The following GALNT14 variants were observed in gnomAD, a reference collection of about 807,000 sequenced individuals.
GALNT14 encodes polypeptide N-acetylgalactosaminyltransferase 14.
Under a neutral mutation model 77.5 loss-of-function variants are expected in GALNT14, and 60 were observed. The ratio of observed to expected loss-of-function variants is 0.77; its 90% CI spans 0.63 to 0.96. The LOEUF is 0.96. Ranked by LOEUF, GALNT14 falls within the 40% of genes least tolerant of loss-of-function variation. The pLI is 0.00. For missense variants in GALNT14, 710 were observed against 731.0 expected, an observed-to-expected ratio of 0.97 and a Z score of 0.33; for synonymous variants, 280 against 281.7, an observed-to-expected ratio of 0.99 and a Z score of 0.06.
intron 3 of GALNT14, among the ~76,000 whole-genome samples, chr2:30,964,843 C>A (rs1305145915): frequency 6.6e-6 from 1 of 152,202 alleles, no homozygotes; most frequent in African/African-American, 2.4e-5. Flanking sequence ...TACTGCAGGA[C>A]TTACCTCCCA....
intron 3 of GALNT14, among the ~76,000 whole-genome samples, chr2:30,963,369 A>C (rs1468093500): frequency 6.6e-6 from 1 of 152,238 alleles, no homozygotes; most frequent in African/African-American, 2.4e-5. Flanking sequence ...TGAGGCTCCA[A>C]CTGGAGTGAG....
chr2:31,104,258 C>G (rs1465913837), intron 1 of GALNT14, among the ~76,000 whole-genome samples: 2 of 152,116 alleles, frequency 1.3e-5, no homozygotes, highest in African/African-American at 4.8e-5. Context: ...GTTGTAAGAA[C>G]AGTACAAATT....
chr2:30,946,792 C>T (rs2148293293), intron 6 of GALNT14, among the ~76,000 whole-genome samples: 1 of 152,228 alleles, frequency 6.6e-6, no homozygotes, highest in Non-Finnish European at 1.5e-5. Context: ...AATAGCATCT[C>T]CCAGAGTCCT....
chr2:30,945,759 G>T, intron 7 of GALNT14, 24 bp downstream of exon 7: 2 of 1,570,258 alleles, frequency 1.3e-6, no homozygotes, highest in South Asian at 2.2e-5. Flanking sequence ...TCCTTACTGG[G>T]GAGGAGGTGT....
chr2:30,949,866 G>A (rs1666921238), intron 6 of GALNT14, among the ~76,000 whole-genome samples: 2 of 152,162 alleles, frequency 1.3e-5, no homozygotes, highest in South Asian at 4.1e-4. Flanking sequence ...ACAGCCTAGG[G>A]GCCTCTAAGC....
chr2:31,076,630 T>TATATATA lies in GALNT14; in HGVS notation c.129+61327_129+61328insTATATAT, dbSNP rs1553373510. 5.7e-5 allele frequency among the ~76,000 whole-genome samples: 5 copies of TATATATA among 87,244 alleles called. No individual in the cohort carries two copies. The South Asian group carries it at 1.0e-3, about 18-fold the overall frequency. 57.2% of individuals were successfully genotyped at this position (87,244 alleles called of 152,430 possible). On this transcript the variant is annotated intron_variant, in intron 1 of 14. Transcript: ENST00000349752. ...GTGTATACATATATATATATATATA[T>TATATATA]TTTTTTTTTTTTTACATGTACATAT...
intron 1 of GALNT14, among the ~76,000 whole-genome samples, chr2:31,001,438 C>T (rs941451156): frequency 1.3e-5 from 2 of 152,010 alleles, no homozygotes; most frequent in Non-Finnish European, 2.9e-5. Flanking sequence ...GAAAATAAAC[C>T]GTGGCTCCCA....
chr2:31,125,136 GAC>G, intron 1 of GALNT14: 1 of 1,524,576 alleles, frequency 6.6e-7, no homozygotes, highest in Non-Finnish European at 8.9e-7. Flanking sequence ...CACTCCTGGG[GAC>G]ACACAGTCAA....
intron 1 of GALNT14, among the ~76,000 whole-genome samples, chr2:31,068,043 A>T (rs1675094364): frequency 1.3e-5 from 2 of 152,094 alleles, no homozygotes; most frequent in African/African-American, 4.8e-5. Context: ...CTGCCTCAAG[A>T]CAGACTCTTA....
chr2:31,116,564 A>G (rs1466443211), intron 1 of GALNT14, among the ~76,000 whole-genome samples: 2 of 152,176 alleles, frequency 1.3e-5, no homozygotes, highest in East Asian at 3.8e-4. Flanking sequence ...AATAGCACTA[A>G]AATATTATAA....
chr2:30,894,537 A>G, the GALNT14 span, among the ~76,000 whole-genome samples: 3 of 152,196 alleles, frequency 2.0e-5, no homozygotes, highest in African/African-American at 7.2e-5. Context: ...AGAGGCAGAG[A>G]TCATCACACT....
At chr2:30,936,710 AATCTT>A (rs1666079413) in intron 9 of GALNT14, among the ~76,000 whole-genome samples, 1 of 152,190 alleles carries the variant, frequency 6.6e-6, no homozygotes, top group African/African-American at 2.4e-5. Context: ...GGGTAGAGAT[AATCTT>A]ATTGGCCCAG....
intron 3 of GALNT14, among the ~76,000 whole-genome samples, chr2:30,961,441 C>T (rs1394136371): frequency 6.6e-6 from 1 of 152,176 alleles, no homozygotes; most frequent in East Asian, 1.9e-4. Flanking sequence ...GGGAGAGCTT[C>T]AGTAAGTACT....
At chr2:30,942,365 C>T (rs1666427645) in intron 8 of GALNT14, 61 bp from the exon 9 acceptor site, 2 of 1,304,434 alleles carry the variant, frequency 1.5e-6, no homozygotes, top group Non-Finnish European at 2.2e-6. Flanking sequence ...CTCTCAAATT[C>T]TTCGGCCCCT....
At chr2:31,100,880 C>G (rs1431293124) in intron 1 of GALNT14, among the ~76,000 whole-genome samples, 2 of 151,936 alleles carry the variant, frequency 1.3e-5, no homozygotes, top group Non-Finnish European at 2.9e-5. Context: ...CTTACATTAG[C>G]GTATGATTAG....
At chr2:31,066,471 G>C (rs973163881) in intron 1 of GALNT14, among the ~76,000 whole-genome samples, 1 of 152,088 alleles carries the variant, frequency 6.6e-6, no homozygotes, top group Non-Finnish European at 1.5e-5. Flanking sequence ...TCGTGAAAAA[G>C]AAACAAGGGG....
the GALNT14 span, among the ~76,000 whole-genome samples, chr2:30,899,359 T>G: frequency 6.6e-6 from 1 of 152,202 alleles, no homozygotes; most frequent in East Asian, 1.9e-4. Context: ...TGGAATTTCT[T>G]GGAGGACCAT....
intron 10 of GALNT14, among the ~76,000 whole-genome samples, chr2:30,929,771 T>A (rs557731434): frequency 1.3e-5 from 2 of 152,370 alleles, no homozygotes; most frequent in Admixed American, 6.5e-5. Context: ...TGGGGTTTTT[T>A]AAATTTGGAA....
At chr2:31,010,314 C>G (rs985469518) in intron 1 of GALNT14, among the ~76,000 whole-genome samples, 2 of 152,190 alleles carry the variant, frequency 1.3e-5, no homozygotes, top group African/African-American at 2.4e-5. Flanking sequence ...AAAACGACAT[C>G]TGTGGCTGGG....
Sources: allele counts gnomAD v4.1 joint callset (sites outside exome capture counted in the v4.1 genomes callset), GRCh38; gene constraint gnomAD v4.1.1; transcripts MANE v1.5; gene names NCBI Gene and HGNC (gene_info 2026-07-23, HGNC 2026-07-21).